Variants in PTPRG observed in about 807,000 individuals in gnomAD.
The protein encoded by PTPRG is receptor-type tyrosine-protein phosphatase gamma.
In PTPRG, 102 loss-of-function variants were observed where a neutral mutation model predicts 165.3. That is an observed-to-expected ratio of 0.62 (90% confidence interval 0.53 to 0.73). PTPRG has a LOEUF of 0.73. Among genes scored for constraint, PTPRG ranks in the 30% least tolerant of loss-of-function variants. PTPRG has a pLI of 0.00. For synonymous variants in PTPRG, 675 were observed against 669.5 expected, an observed-to-expected ratio of 1.01 and a Z score of -0.13; for missense variants, 1,866 against 1,861.4, an observed-to-expected ratio of 1.00 and a Z score of -0.05.
In PTPRG at chr3:62,219,106, C is replaced by A; in HGVS notation, c.2288+123C>A. On this transcript the variant is annotated intron_variant, in intron 13 of 29. Transcript: ENST00000474889. The surrounding 1 kb of genome is among the most constrained non-coding windows in gnomAD (Gnocchi z 4.5). The stretch of plus-strand genomic sequence containing the variant: ...GTGAGGTAGCTTAAGTGTTTCTGGT[C>A]TTGCCACCCGGAAGGCCATCTTGTC... The A allele has an allele frequency of 7.5e-7, 1 of 1,337,504 alleles. No individual in the cohort carries two copies. The highest frequency in any genetic ancestry group is 1.0e-6 in the Non-Finnish European group (1 of 981,590). The allele number at this position is 1,337,504 out of a possible 1,614,324, so 82.9% of individuals were successfully genotyped here.
At chr3:61,913,168 T>A (rs1422708477) in intron 2 of PTPRG, among the ~76,000 whole-genome samples, 1 of 152,230 alleles carries the variant, frequency 6.6e-6, no homozygotes, top group Non-Finnish European at 1.5e-5. Flanking sequence ...ACCCAAATAG[T>A]GAGCGTAGTC....
chr3:62,185,003 C>A (rs556064932), intron 8 of PTPRG, among the ~76,000 whole-genome samples: 102 of 151,630 alleles, frequency 6.7e-4, no homozygotes, highest in Non-Finnish European at 1.3e-3. Flanking sequence ...TTATCTAAAG[C>A]CCCAAATGAA....
intron 2 of PTPRG, among the ~76,000 whole-genome samples, chr3:61,967,188 C>G (rs2040290158): frequency 6.6e-6 from 1 of 152,196 alleles, no homozygotes; most frequent in Non-Finnish European, 1.5e-5. Flanking sequence ...TATGAGATCA[C>G]ACATAGGGCC....
chr3:62,287,749 C>T (rs1262206415), intron 28 of PTPRG, among the ~76,000 whole-genome samples: 6 of 152,070 alleles, frequency 3.9e-5, no homozygotes, highest in Non-Finnish European at 8.8e-5. Flanking sequence ...ATTTGAATAC[C>T]ACAGTTAACA....
intron 2 of PTPRG, among the ~76,000 whole-genome samples, chr3:61,956,117 A>T (rs148318415): frequency 7.3e-4 from 108 of 148,918 alleles, no homozygotes; most frequent in Middle Eastern, 3.4e-3. Context: ...TGAAAAATTG[A>T]CTTTTCTGTC....
intron 2 of PTPRG, among the ~76,000 whole-genome samples, chr3:61,780,569 A>T (rs1183580758): frequency 6.6e-6 from 1 of 152,218 alleles, no homozygotes; most frequent in Non-Finnish European, 1.5e-5. Context: ...CACAGTGCAC[A>T]CATTCTGAAT....
At chr3:61,599,960 ACC>A in intron 1 of PTPRG, among the ~76,000 whole-genome samples, 1 of 151,474 alleles carries the variant, frequency 6.6e-6, no homozygotes, top group African/African-American at 2.4e-5. Context: ...GGAGTTTGAG[ACC>A]AGCCTGGCCA....
At chr3:61,826,507 A>T (rs1414340818) in intron 2 of PTPRG, among the ~76,000 whole-genome samples, 1 of 146,614 alleles carries the variant, frequency 6.8e-6, no homozygotes, top group Non-Finnish European at 1.5e-5. Flanking sequence ...TTTCTTCCAC[A>T]TCTTCCAGAA....
At chr3:61,635,511 C>G (rs1487617956) in intron 1 of PTPRG, among the ~76,000 whole-genome samples, 1 of 151,820 alleles carries the variant, frequency 6.6e-6, no homozygotes, top group African/African-American at 2.4e-5. Flanking sequence ...CATGCACCAC[C>G]ACGCCTGGCT....
intron 2 of PTPRG, among the ~76,000 whole-genome samples, chr3:61,918,051 T>A (rs2038985676): frequency 6.6e-6 from 1 of 152,150 alleles, no homozygotes; most frequent in Non-Finnish European, 1.5e-5. Flanking sequence ...AAACAGAAGT[T>A]AGAAGAAGCA....
chr3:61,995,199 A>C (rs1367572991), intron 3 of PTPRG, among the ~76,000 whole-genome samples: 1 of 141,486 alleles, frequency 7.1e-6, no homozygotes, highest in Non-Finnish European at 1.5e-5. Context: ...AGTGATTCTT[A>C]TGTCCCAGCC....
intron 4 of PTPRG, among the ~76,000 whole-genome samples, chr3:62,019,311 C>G (rs1157328722): frequency 6.6e-6 from 1 of 152,106 alleles, no homozygotes; most frequent in African/African-American, 2.4e-5. Flanking sequence ...TGCTTGAGCT[C>G]AGGAGTTTGA....
intron 2 of PTPRG, among the ~76,000 whole-genome samples, chr3:61,874,474 T>C (rs983781167): frequency 1.2e-4 from 18 of 152,152 alleles, no homozygotes; most frequent in African/African-American, 4.3e-4. Flanking sequence ...GTAAATGTCT[T>C]TCTTTTCACT....
At chr3:61,969,000 A>G (rs914036860) in intron 2 of PTPRG, among the ~76,000 whole-genome samples, 6 of 152,208 alleles carry the variant, frequency 3.9e-5, no homozygotes, top group Admixed American at 3.3e-4. Flanking sequence ...CTAAGAGCAC[A>G]AACTTGAGTC....
intron 2 of PTPRG, among the ~76,000 whole-genome samples, chr3:61,801,555 C>G (rs1482459890): frequency 6.6e-6 from 1 of 151,948 alleles, no homozygotes; most frequent in African/African-American, 2.4e-5. Context: ...ATGTGGAGTG[C>G]AACAACAGAA....
chr3:61,782,571 T>A (rs780965263), intron 2 of PTPRG, among the ~76,000 whole-genome samples: 16 of 152,226 alleles, frequency 1.1e-4, no homozygotes, highest in Non-Finnish European at 1.8e-4. Context: ...ACAAAAGTGC[T>A]AGGTGAGCCA....
At chr3:61,712,454 T>C (rs1239857895) in intron 1 of PTPRG, among the ~76,000 whole-genome samples, 1 of 152,088 alleles carries the variant, frequency 6.6e-6, no homozygotes, top group Non-Finnish European at 1.5e-5. Flanking sequence ...GGAATATAAT[T>C]CCCATGTGTC....
intron 5 of PTPRG, among the ~76,000 whole-genome samples, chr3:62,092,982 G>GAAAGTGT (rs1180209393): frequency 1.3e-5 from 2 of 152,182 alleles, no homozygotes; most frequent in East Asian, 3.9e-4. Context: ...AGTGGGCCGA[G>GAAAGTGT]AAAGTGTAAA....
rs969908913 is a variant in PTPRG, at chr3:62,088,098, G to A, written c.615+9840G>A. On this transcript the variant is annotated intron_variant, in intron 5 of 29. Coordinates refer to ENST00000474889, the MANE Select transcript of PTPRG (RefSeq NM_002841.4). The stretch of plus-strand genomic sequence containing the variant: ...CTTTTAATGGCAGCAGTTCTGAAGT[G>A]GGGAGGGAGGGAATGGGGGTTTTGC... 4.6e-5 allele frequency among the ~76,000 whole-genome samples: 7 copies of A among 152,350 alleles called. No individual in the cohort carries two copies. The South Asian group carries it at 1.5e-3, about 32-fold the overall frequency.
Sources: allele counts gnomAD v4.1 joint callset (sites outside exome capture counted in the v4.1 genomes callset), GRCh38; gene constraint gnomAD v4.1.1; non-coding constraint Gnocchi (gnomAD v3.1); transcripts MANE v1.5; gene names NCBI Gene and HGNC (gene_info 2026-07-23, HGNC 2026-07-21).